ZNF704: variants seen among roughly 807,000 people sequenced by gnomAD.
The protein encoded by ZNF704 is glucocorticoid induced gene 1.
A neutral mutation model predicts 44.7 loss-of-function variants in ZNF704; 10 were observed. The observed-to-expected ratio is 0.22, with a 90% confidence interval of 0.14 to 0.38. ZNF704 has a LOEUF of 0.38. Ranked by LOEUF, ZNF704 falls within the 10% of genes least tolerant of loss-of-function variation. The probability of loss-of-function intolerance (pLI) is 1.00; values close to 1 mark genes in which losing one functional copy is unlikely to be tolerated. For missense variants in ZNF704, 390 were observed against 545.5 expected (o/e 0.71, Z 2.84); for synonymous variants, 211 against 207.6 (o/e 1.02, Z -0.14).
At chr8:80,658,577 T>A (rs890805915) in intron 7 of ZNF704, 1 of 152,212 alleles carries the variant, frequency 6.6e-6, no homozygotes, top group Admixed American at 6.5e-5. Context: ...AAAAATGACT[T>A]CAGACCCATG....
At chr8:80,810,551 T>C (rs1808064933) in intron 2 of ZNF704, among the ~76,000 whole-genome samples, 1 of 152,200 alleles carries the variant, frequency 6.6e-6, no homozygotes, top group Admixed American at 6.5e-5. Context: ...TATGTTTACT[T>C]GGTATGTTTG....
At chr8:80,741,706 T>G (rs1806760263) in intron 2 of ZNF704, among the ~76,000 whole-genome samples, 1 of 152,146 alleles carries the variant, frequency 6.6e-6, no homozygotes, top group Non-Finnish European at 1.5e-5. Context: ...AGATAGAACA[T>G]AACTGTCAAC....
intron 2 of ZNF704, among the ~76,000 whole-genome samples, chr8:80,779,607 T>C (rs1049220338): frequency 1.3e-5 from 2 of 152,006 alleles, no homozygotes; most frequent in Non-Finnish European, 2.9e-5. Context: ...TAAAGGAAAA[T>C]AGTATGTATT....
chr8:80,827,290 C>T (rs947836698), intron 1 of ZNF704, among the ~76,000 whole-genome samples: 3 of 151,080 alleles, frequency 2.0e-5, no homozygotes, highest in African/African-American at 7.3e-5. Flanking sequence ...AACAGACAAA[C>T]AGCCAAATCA....
At chr8:80,762,960 A>C (rs934121184) in intron 2 of ZNF704, among the ~76,000 whole-genome samples, 2 of 152,204 alleles carry the variant, frequency 1.3e-5, no homozygotes, top group Non-Finnish European at 2.9e-5. Context: ...TTAAATCTTA[A>C]AGCTCCTAAA....
chr8:80,780,543 T>A (rs1807505847), intron 2 of ZNF704, among the ~76,000 whole-genome samples: 1 of 152,102 alleles, frequency 6.6e-6, no homozygotes, highest in Admixed American at 6.6e-5. Context: ...TTTGCTGATA[T>A]AATTATATTA....
intron 2 of ZNF704, among the ~76,000 whole-genome samples, chr8:80,790,670 G>A (rs1394386110): frequency 6.6e-6 from 1 of 152,162 alleles, no homozygotes; most frequent in East Asian, 1.9e-4. Context: ...CCAGCTGAAA[G>A]GTGGGTGGCA....
At chr8:80,750,013 G>A (rs75570549) in intron 2 of ZNF704, among the ~76,000 whole-genome samples, 3,721 of 152,196 alleles carry the variant, frequency 0.024, 169 homozygotes, top group African/African-American at 0.085. Context: ...ACTTCAGCTT[G>A]AACTTAGTCC....
chr8:80,852,009 A>AG (rs961870800), intron 1 of ZNF704, among the ~76,000 whole-genome samples: 1 of 152,216 alleles, frequency 6.6e-6, no homozygotes, highest in Non-Finnish European at 1.5e-5. Context: ...AGCCATACAA[A>AG]GGGTGGAACG....
chr8:80,749,341 G>C (rs1011437685), intron 2 of ZNF704, among the ~76,000 whole-genome samples: 1 of 152,232 alleles, frequency 6.6e-6, no homozygotes, highest in African/African-American at 2.4e-5. Context: ...GATTTTTACT[G>C]TATCTTTTCT....
intron 2 of ZNF704, among the ~76,000 whole-genome samples, chr8:80,743,191 CA>C (rs59886049): frequency 0.083 from 2,982 of 35,774 alleles, 15 homozygotes; most frequent in African/African-American, 0.11. Context: ...CTTGCAACTG[CA>C]AAAAAAAAAA....
chr8:80,696,628 C>T (rs987318549), intron 2 of ZNF704, among the ~76,000 whole-genome samples: 5 of 152,252 alleles, frequency 3.3e-5, no homozygotes, highest in South Asian at 2.1e-4. Flanking sequence ...ATGTTGACCA[C>T]GCTGGTCTCA....
intron 2 of ZNF704, among the ~76,000 whole-genome samples, chr8:80,792,062 G>C (rs1008776199): frequency 2.0e-5 from 3 of 152,164 alleles, no homozygotes; most frequent in African/African-American, 7.2e-5. Context: ...ATCTGATGTG[G>C]AGGTAGGAAA....
intron 4 of ZNF704, chr8:80,673,120 G>C (rs887246295): frequency 6.6e-6 from 1 of 152,234 alleles, no homozygotes; most frequent in Non-Finnish European, 1.5e-5. Context: ...AAAGTCACAG[G>C]TGGTGCTAAC....
chr8:80,692,871 C>G (rs1406740677), intron 3 of ZNF704, 133 bp downstream of exon 3: 2 of 771,398 alleles, frequency 2.6e-6, no homozygotes, highest in African/African-American at 3.5e-5. Context: ...ACTTCTTCCA[C>G]GTTTCTCTTT....
Position 80,640,602 on chromosome 8 carries a change from G to C in ZNF704, c.*764C>G, listed in dbSNP as rs953184367. On this transcript the variant is annotated 3_prime_UTR_variant, in exon 9 of 9. Coordinates refer to ENST00000327835, the MANE Select transcript of ZNF704 (RefSeq NM_001033723.3). ...AGAGTTAGCTGTGCTGCCTTTAGGG[G>C]AAGAGCTTCTTATGGATCCAAGGAA... 2 of 152,192 alleles carry C rather than the reference G, an allele frequency of 1.3e-5. No individual in the cohort carries two copies. Among genetic ancestry groups the C allele is most frequent in the African/African-American group, 4.8e-5 (2 of 41,438 alleles). The allele number at this position is 152,192 out of a possible 1,614,324, so 9.4% of individuals were successfully genotyped here.
chr8:80,660,416 G>C (rs1585930417), intron 6 of ZNF704, among the ~76,000 whole-genome samples: 1 of 145,180 alleles, frequency 6.9e-6, no homozygotes, highest in South Asian at 2.2e-4. Flanking sequence ...AGGTTGCAGT[G>C]AACTATGATC....
At chr8:80,791,222 T>C (rs1046339974) in intron 2 of ZNF704, among the ~76,000 whole-genome samples, 2 of 152,224 alleles carry the variant, frequency 1.3e-5, no homozygotes, top group Admixed American at 1.3e-4. Flanking sequence ...CTACTTTCAC[T>C]TTTTGGGCAG....
At chr8:80,821,231 C>T in intron 2 of ZNF704, 143 bp downstream of exon 2, 1 of 843,000 alleles carries the variant, frequency 1.2e-6, no homozygotes, top group Non-Finnish European at 1.9e-6. Context: ...TGCTCTATTT[C>T]ACACAAGCAA....
Sources: gnomAD v4.1 joint callset for allele counts (sites outside exome capture counted in the v4.1 genomes callset) on GRCh38, gnomAD v4.1.1 for gene constraint, MANE v1.5 for transcripts, NCBI Gene and HGNC (gene_info 2026-07-23, HGNC 2026-07-21) for gene names.